CCDC102A: variants seen among roughly 807,000 people sequenced by gnomAD.
CCDC102A encodes the protein coiled-coil domain containing 102A.
Under a neutral mutation model 55.5 loss-of-function variants are expected in CCDC102A, and 40 were observed. The ratio of observed to expected loss-of-function variants is 0.72; its 90% CI spans 0.56 to 0.94. CCDC102A has a LOEUF of 0.94. Among genes scored for constraint, CCDC102A ranks in the 40% least tolerant of loss-of-function variants. The pLI, the probability that CCDC102A is intolerant of heterozygous loss-of-function variation, is 0.00. For missense variants in CCDC102A, 779 were observed against 768.6 expected (o/e 1.01, Z -0.16); for synonymous variants, 323 against 339.0 (o/e 0.95, Z 0.52).
chr16:57,535,276 C>T (rs1311085268), intron 1 of CCDC102A, among the ~76,000 whole-genome samples: 1 of 152,172 alleles, frequency 6.6e-6, no homozygotes, highest in East Asian at 1.9e-4. Context: ...GGCGGCTAGG[C>T]CTCCAGGCTG....
intron 1 of CCDC102A, among the ~76,000 whole-genome samples, chr16:57,530,037 A>G (rs1389885262): frequency 6.6e-6 from 1 of 152,198 alleles, no homozygotes; most frequent in East Asian, 1.9e-4. Context: ...TATGGTATCT[A>G]TGAGTACAAA....
chr16:57,536,972 C>T (rs2032407748), upstream of CCDC102A, among the ~76,000 whole-genome samples: 1 of 152,188 alleles, frequency 6.6e-6, no homozygotes, highest in Admixed American at 6.5e-5. Flanking sequence ...GCATTTTTCC[C>T]TGGGCCAGCT....
Position 57,516,508 on chromosome 16 carries a change from T to A in CCDC102A, c.1249-45A>T. 1.3e-6 allele frequency: 2 copies of A among 1,568,264 alleles called. No homozygotes were observed. Among genetic ancestry groups the A allele is most frequent in the Non-Finnish European group, 1.7e-6 (2 of 1,152,798 alleles). On this transcript the variant is annotated intron_variant, in intron 6 of 8. Transcript: ENST00000258214. This position sits in a 1 kb window ranked among gnomAD's most constrained non-coding sequence, Gnocchi z 4.4. ...GGTGGGAGGGAGGAGGGAATCAGTA[T>A]CAGCTTGGGCGCCATGCCAGGGAGT...
rs1272413498 is a variant in CCDC102A, at chr16:57,518,239, G to A, written c.1077C>T (p.Gly359=). Residue 359 remains glycine, a synonymous_variant, in exon 6 of 9, where the codon GGC becomes GGT. Coordinates refer to ENST00000258214, the MANE Select transcript of CCDC102A (RefSeq NM_033212.4). ...RLQAENAAEW[G]RRERLETEKL... is the part of the protein sequence containing the mutation. ...TCTCTGTCTCCAGCCGCTCCCGGCG[G>A]CCCCACTCCGCAGCGTTTTCGGCCT... 1.2e-6 allele frequency: 2 copies of A among 1,611,434 alleles called. No homozygotes were observed. Among genetic ancestry groups the A allele is most frequent in the Non-Finnish European group, 1.7e-6 (2 of 1,179,928 alleles).
intron 1 of CCDC102A, among the ~76,000 whole-genome samples, chr16:57,530,259 T>C (rs994100405): frequency 1.6e-4 from 25 of 152,192 alleles, no homozygotes; most frequent in Admixed American, 1.4e-3. Flanking sequence ...CGCCCAGCAC[T>C]GGGCTCTGCC....
At chr16:57,518,870 C>G in intron 4 of CCDC102A, 129 bp from the exon 5 acceptor site, 1 of 664,402 alleles carries the variant, frequency 1.5e-6, no homozygotes, top group Admixed American at 2.2e-5. Context: ...GGGCAGGCAC[C>G]AGGTATTCCA....
intron 1 of CCDC102A, among the ~76,000 whole-genome samples, chr16:57,531,043 C>A (rs537733342): frequency 6.6e-6 from 1 of 151,908 alleles, no homozygotes; most frequent in African/African-American, 2.4e-5. Flanking sequence ...CCCTCGAATG[C>A]GGCTGTCATC....
rs748711966 is a variant in CCDC102A, at chr16:57,512,541, T to A, written c.*200A>T. On this transcript the variant is annotated 3_prime_UTR_variant, in exon 9 of 9. Transcript: ENST00000258214. ...GCGCGCGCGCGCGCGTGTGTGTATA[T>A]ATATATATAAAACATAGGCTTCCTT... The A allele has an allele frequency of 7.2e-4, 439 of 608,258 alleles. 1 individual carries two copies. The highest frequency in any genetic ancestry group is 1.1e-3 in the Non-Finnish European group (390 of 353,720). 37.7% of individuals were successfully genotyped at this position (608,258 alleles called of 1,614,324 possible). A position where few individuals can be genotyped will look rare whatever the true frequency, so the allele number is the denominator to read the frequency against.
intron 6 of CCDC102A, among the ~76,000 whole-genome samples, chr16:57,517,843 C>G (rs2031981411): frequency 6.6e-6 from 1 of 152,276 alleles, no homozygotes; most frequent in South Asian, 2.1e-4. Context: ...GAGGCCACAT[C>G]TGTCTGTTCA....
intron 2 of CCDC102A, among the ~76,000 whole-genome samples, chr16:57,527,417 G>A (rs1187989629): frequency 5.5e-5 from 5 of 90,794 alleles, no homozygotes; most frequent in Non-Finnish European, 9.6e-5. Context: ...CATTGCTGCT[G>A]CTTTTTTTTT....
chr16:57,523,743 C>G (rs1223031769), intron 3 of CCDC102A, among the ~76,000 whole-genome samples: 1 of 151,684 alleles, frequency 6.6e-6, no homozygotes, highest in Non-Finnish European at 1.5e-5. Context: ...GTCAGGAGTT[C>G]GAGACCAGCC....
chr16:57,513,694 G>C (rs1389365353), intron 8 of CCDC102A, among the ~76,000 whole-genome samples: 1 of 152,254 alleles, frequency 6.6e-6, no homozygotes, highest in Non-Finnish European at 1.5e-5. Context: ...CCAAGGCTAA[G>C]TGGTCTTTTG....
At chr16:57,525,364 G>A (rs923297241) in intron 3 of CCDC102A, among the ~76,000 whole-genome samples, 2 of 152,170 alleles carry the variant, frequency 1.3e-5, no homozygotes, top group Non-Finnish European at 2.9e-5. Context: ...GCCTCCCAAA[G>A]TGCTGGGATT....
chr16:57,525,459 C>T (rs1273483714), intron 3 of CCDC102A, among the ~76,000 whole-genome samples: 1 of 152,116 alleles, frequency 6.6e-6, no homozygotes, highest in Non-Finnish European at 1.5e-5. Flanking sequence ...TTACCTCCAG[C>T]CCAGGCCTGT....
intron 8 of CCDC102A, among the ~76,000 whole-genome samples, chr16:57,514,902 C>T (rs2031926365): frequency 6.6e-6 from 1 of 152,082 alleles, no homozygotes; most frequent in South Asian, 2.1e-4. Context: ...TGGGTGGGGC[C>T]TGTTGGCAGT....
intron 1 of CCDC102A, among the ~76,000 whole-genome samples, chr16:57,534,542 GCA>G (rs1171466522): frequency 1.3e-5 from 2 of 152,070 alleles, no homozygotes; most frequent in South Asian, 2.1e-4. Flanking sequence ...TAACCTCTCT[GCA>G]CAGAGTATGC....
At chr16:57,515,483 C>G in intron 7 of CCDC102A, 39 bp from the exon 8 acceptor site, 1 of 1,415,170 alleles carries the variant, frequency 7.1e-7, no homozygotes, top group Non-Finnish European at 9.8e-7. Flanking sequence ...GAGGGTCACC[C>G]AGGGCTGGGC....
intron 7 of CCDC102A, among the ~76,000 whole-genome samples, chr16:57,515,932 C>T (rs2031946809): frequency 6.6e-6 from 1 of 151,942 alleles, no homozygotes; most frequent in Non-Finnish European, 1.5e-5. Flanking sequence ...GCTGTCCATC[C>T]ATCTGTCCAC....
chr16:57,514,025 C>T (rs1206272874), intron 8 of CCDC102A, among the ~76,000 whole-genome samples: 2 of 152,216 alleles, frequency 1.3e-5, no homozygotes, highest in Non-Finnish European at 2.9e-5. Flanking sequence ...CCTTAGTTTC[C>T]TCATCTGCCA....
Sources: gnomAD v4.1 joint callset for allele counts (sites outside exome capture counted in the v4.1 genomes callset) on GRCh38, gnomAD v4.1.1 for gene constraint, Gnocchi (gnomAD v3.1) non-coding constraint, MANE v1.5 for transcripts, NCBI Gene and HGNC (gene_info 2026-07-23, HGNC 2026-07-21) for gene names.